CNTNAP2: variants seen among roughly 807,000 people sequenced by gnomAD.
The protein encoded by CNTNAP2 is contactin-associated protein-like 2.
CNTNAP2 carries 98 observed loss-of-function variants against 155.2 expected under a neutral mutation model. The observed-to-expected ratio is 0.63, with a 90% confidence interval of 0.54 to 0.75. The LOEUF (loss-of-function observed/expected upper bound fraction) is 0.75, where lower values mean the gene tolerates loss of function less well. Ranked by LOEUF, CNTNAP2 falls within the 30% of genes least tolerant of loss-of-function variation. CNTNAP2 has a pLI of 0.00. For missense variants in CNTNAP2, 1,727 were observed against 1,688.1 expected, an observed-to-expected ratio of 1.02 and a Z score of -0.40; for synonymous variants, 651 against 631.2, an observed-to-expected ratio of 1.03 and a Z score of -0.47.
chr7:146,287,705 G>A (rs1316633946), intron 1 of CNTNAP2, among the ~76,000 whole-genome samples: 2 of 152,108 alleles, frequency 1.3e-5, no homozygotes, highest in African/African-American at 4.8e-5. Flanking sequence ...ATATATTTGA[G>A]CGCATAGAGT....
At chr7:147,673,900 A>G (rs1169265803) in intron 13 of CNTNAP2, among the ~76,000 whole-genome samples, 1 of 152,198 alleles carries the variant, frequency 6.6e-6, no homozygotes, top group Non-Finnish European at 1.5e-5. Flanking sequence ...ATACATGTTA[A>G]ATGGTACAAA....
At chr7:147,955,963 T>A (rs1321056015) in intron 14 of CNTNAP2, among the ~76,000 whole-genome samples, 2 of 151,958 alleles carry the variant, frequency 1.3e-5, no homozygotes, top group Non-Finnish European at 2.9e-5. Context: ...TAGTGAAAAA[T>A]TTTCCCCCAA....
intron 1 of CNTNAP2, among the ~76,000 whole-genome samples, chr7:146,733,785 T>C (rs959845854): frequency 6.6e-6 from 1 of 152,042 alleles, no homozygotes; most frequent in Non-Finnish European, 1.5e-5. Context: ...GGAAATACTG[T>C]TTGAGGGTAG....
intron 10 of CNTNAP2, among the ~76,000 whole-genome samples, chr7:147,462,039 A>T (rs997083310): frequency 1.3e-5 from 2 of 152,162 alleles, no homozygotes; most frequent in African/African-American, 4.8e-5. Context: ...ACAATTTACC[A>T]TGCTGCTAAA....
chr7:146,391,883 G>A (rs1008022892), intron 1 of CNTNAP2, among the ~76,000 whole-genome samples: 2 of 152,042 alleles, frequency 1.3e-5, no homozygotes, highest in African/African-American at 4.8e-5. Context: ...AATAATGAAC[G>A]TGTACTAGGC....
chr7:147,167,670 T>G (rs1584767697), intron 8 of CNTNAP2: 1 of 366,700 alleles, frequency 2.7e-6, no homozygotes, highest in East Asian at 5.2e-5. Context: ...ACCTTATTAT[T>G]ATCTAGCTAG....
chr7:147,607,965 C>T (rs973000685), intron 12 of CNTNAP2, among the ~76,000 whole-genome samples: 2 of 152,094 alleles, frequency 1.3e-5, no homozygotes, highest in African/African-American at 2.4e-5. Context: ...TAGCAGGTGC[C>T]TGAAAATGAA....
intron 1 of CNTNAP2, among the ~76,000 whole-genome samples, chr7:146,223,925 T>C (rs1219301625): frequency 6.6e-6 from 1 of 152,200 alleles, no homozygotes; most frequent in Non-Finnish European, 1.5e-5. Context: ...TTGTGGGTAA[T>C]GATGATGATA....
chr7:146,393,384 C>G (rs1019879601), intron 1 of CNTNAP2, among the ~76,000 whole-genome samples: 1 of 152,108 alleles, frequency 6.6e-6, no homozygotes, highest in Non-Finnish European at 1.5e-5. Context: ...GACATTTATA[C>G]TAGTTTCGGG....
intron 11 of CNTNAP2, among the ~76,000 whole-genome samples, chr7:147,555,129 T>G (rs1310145202): frequency 6.6e-6 from 1 of 152,162 alleles, no homozygotes; most frequent in Non-Finnish European, 1.5e-5. Flanking sequence ...GATAAAAAAG[T>G]CAGTTTCATG....
At chr7:148,101,462 C>T (rs376865072) in intron 15 of CNTNAP2, among the ~76,000 whole-genome samples, 3 of 151,258 alleles carry the variant, frequency 2.0e-5, no homozygotes, top group Non-Finnish European at 4.4e-5. Context: ...TGCAATAAAG[C>T]GACCATTCTC....
At chr7:148,062,454 G>C (rs1378573010) in intron 15 of CNTNAP2, among the ~76,000 whole-genome samples, 1 of 151,888 alleles carries the variant, frequency 6.6e-6, no homozygotes, top group Non-Finnish European at 1.5e-5. Context: ...AAGAAAATGT[G>C]GCATATTAAT....
chr7:147,953,946 G>A (rs763417060), intron 14 of CNTNAP2, among the ~76,000 whole-genome samples: 5 of 152,078 alleles, frequency 3.3e-5, no homozygotes, highest in Non-Finnish European at 4.4e-5. Flanking sequence ...AGGTCATATC[G>A]AGAAGTACCA....
chr7:147,881,656 A>G (rs571883745), intron 13 of CNTNAP2, among the ~76,000 whole-genome samples: 1 of 152,324 alleles, frequency 6.6e-6, no homozygotes, highest in Admixed American at 6.5e-5. Context: ...AGAATAGGAA[A>G]ACAATGTTTG....
chr7:146,612,239 A>ATGT (rs59002913), intron 1 of CNTNAP2, among the ~76,000 whole-genome samples: 98,825 of 151,654 alleles, frequency 0.65, 33,604 homozygotes, highest in African/African-American at 0.82. Context: ...TATATTAGTA[A>ATGT]TGTAAAATAG....
At chr7:147,094,920 C>T (rs1800494888) in intron 4 of CNTNAP2, among the ~76,000 whole-genome samples, 1 of 152,024 alleles carries the variant, frequency 6.6e-6, no homozygotes, top group Non-Finnish European at 1.5e-5. Context: ...ATCTAGGTAC[C>T]AAGAGATTTG....
intron 3 of CNTNAP2, among the ~76,000 whole-genome samples, chr7:146,950,230 T>C (rs956658414): frequency 3.3e-5 from 5 of 152,080 alleles, no homozygotes; most frequent in African/African-American, 1.2e-4. Flanking sequence ...TTTATAAAAA[T>C]TCAAGATAAA....
At chr7:147,218,215 C>G (rs909316245) in intron 8 of CNTNAP2, among the ~76,000 whole-genome samples, 6 of 151,786 alleles carry the variant, frequency 4.0e-5, no homozygotes, top group African/African-American at 1.2e-4. Context: ...TTCTCATTTC[C>G]TAATTTAGAA....
At chr7:148,105,605 TG>T (rs1181309395) in intron 15 of CNTNAP2, among the ~76,000 whole-genome samples, 32 of 152,186 alleles carry the variant, frequency 2.1e-4, no homozygotes, top group African/African-American at 7.2e-4. Context: ...TTTATTTTTT[TG>T]TGATGGAGTC....
Sources: gnomAD v4.1 joint callset for allele counts (sites outside exome capture counted in the v4.1 genomes callset) on GRCh38, gnomAD v4.1.1 for gene constraint, MANE v1.5 for transcripts, NCBI Gene and HGNC (gene_info 2026-07-23, HGNC 2026-07-21) for gene names.